The following SASH1 variants were observed in gnomAD, a reference collection of about 807,000 sequenced individuals.
SASH1 encodes the protein SAM and SH3 domain containing 1.
A neutral mutation model predicts 125.2 loss-of-function variants in SASH1; 44 were observed. That is an observed-to-expected ratio of 0.35 (90% CI 0.28 to 0.45). The LOEUF is 0.45. Among genes scored for constraint, SASH1 ranks in the 20% least tolerant of loss-of-function variants. The pLI is 1.00. For missense variants in SASH1, 1,426 were observed against 1,614.5 expected (o/e 0.88, Z 2.00); for synonymous variants, 639 against 649.1 (o/e 0.98, Z 0.24).
chr6:148,196,006 T>G, the SASH1 span, among the ~76,000 whole-genome samples: 1 of 152,204 alleles, frequency 6.6e-6, no homozygotes, highest in Non-Finnish European at 1.5e-5. Flanking sequence ...GCTCTCTGGT[T>G]AATGAGTGGG....
chr6:148,274,324 A>G (rs1331207739), intron 1 of SASH1, among the ~76,000 whole-genome samples: 1 of 152,186 alleles, frequency 6.6e-6, no homozygotes, highest in Non-Finnish European at 1.5e-5. Context: ...TGGTTTCAGA[A>G]ACAATACGTT....
upstream of SASH1, among the ~76,000 whole-genome samples, chr6:148,340,792 A>G (rs111631373): frequency 7.9e-5 from 12 of 152,276 alleles, no homozygotes; most frequent in East Asian, 2.1e-3. Context: ...ACAATGCCTC[A>G]ATGCTATTAA....
intron 2 of SASH1, among the ~76,000 whole-genome samples, chr6:148,419,179 A>C (rs1784942837): frequency 1.3e-5 from 2 of 152,206 alleles, no homozygotes; most frequent in African/African-American, 4.8e-5. Flanking sequence ...TAAAATTTGG[A>C]ATATTCAAAG....
chr6:148,469,482 C>T (rs750635908), intron 5 of SASH1, among the ~76,000 whole-genome samples: 1 of 152,194 alleles, frequency 6.6e-6, no homozygotes, highest in South Asian at 2.1e-4. Context: ...TCTCTTATCC[C>T]AGCAATTTGG....
chr6:148,418,122 A>G (rs1350271373), intron 2 of SASH1, among the ~76,000 whole-genome samples: 1 of 152,208 alleles, frequency 6.6e-6, no homozygotes, highest in Non-Finnish European at 1.5e-5. Context: ...GGTAGCTCCA[A>G]AGGTGTTTGA....
At chr6:148,409,043 G>A (rs546712062) in intron 2 of SASH1, among the ~76,000 whole-genome samples, 1 of 152,302 alleles carries the variant, frequency 6.6e-6, no homozygotes, top group East Asian at 1.9e-4. Flanking sequence ...TTCTCTGCAG[G>A]CTCTTCTTGG....
chr6:148,284,322 C>G (rs1202841792), intron 1 of SASH1, among the ~76,000 whole-genome samples: 1 of 152,096 alleles, frequency 6.6e-6, no homozygotes, highest in Non-Finnish European at 1.5e-5. Context: ...GCCTATAGTC[C>G]CAGCTACTCA....
chr6:148,390,743 A>AG (rs1783677523), intron 2 of SASH1, among the ~76,000 whole-genome samples: 1 of 151,400 alleles, frequency 6.6e-6, no homozygotes, highest in Non-Finnish European at 1.5e-5. Flanking sequence ...AGCCAAGATC[A>AG]CGCCACTGCA....
At chr6:148,490,229 A>G (rs1373480199) in intron 8 of SASH1, among the ~76,000 whole-genome samples, 1 of 150,046 alleles carries the variant, frequency 6.7e-6, no homozygotes, top group Non-Finnish European at 1.5e-5. Context: ...TTTTTTTTTG[A>G]TAAGAGTATT....
chr6:148,247,427 G>A, the SASH1 span, among the ~76,000 whole-genome samples: 1 of 152,202 alleles, frequency 6.6e-6, no homozygotes, highest in African/African-American at 2.4e-5. Flanking sequence ...CTAAAATGGG[G>A]AGACCTGACG....
chr6:148,281,332 G>C (rs538766020), intron 1 of SASH1, among the ~76,000 whole-genome samples: 1 of 151,942 alleles, frequency 6.6e-6, no homozygotes, highest in Non-Finnish European at 1.5e-5. Flanking sequence ...AACGATTTCC[G>C]ACCTAGAACC....
chr6:148,446,325 G>A (rs559126454), intron 4 of SASH1, among the ~76,000 whole-genome samples: 2 of 151,996 alleles, frequency 1.3e-5, no homozygotes, highest in South Asian at 2.1e-4. Context: ...AGCCAGGATG[G>A]TCTTGATCTC....
intron 9 of SASH1, among the ~76,000 whole-genome samples, chr6:148,518,783 G>A (rs1780621035): frequency 6.6e-6 from 1 of 152,136 alleles, no homozygotes; most frequent in South Asian, 2.1e-4. Flanking sequence ...CTTTCCACCG[G>A]GCTCTGGAGG....
upstream of SASH1, among the ~76,000 whole-genome samples, chr6:148,338,619 C>T (rs572634353): frequency 1.4e-4 from 22 of 152,004 alleles, no homozygotes; most frequent in East Asian, 1.2e-3. Context: ...TAATATAAAA[C>T]GTTCTTGGTA....
chr6:148,425,934 C>T lies in SASH1; in HGVS notation c.286-14250C>T, dbSNP rs117521734. Among the ~76,000 whole-genome samples the T allele has an allele frequency of 4.2e-3, 635 of 152,080 alleles. 4 individuals are homozygous for T. The highest frequency in any genetic ancestry group is 7.2e-3 in the Non-Finnish European group (490 of 68,004). The stretch of plus-strand genomic sequence containing the variant: ...CTTTAAAAGAATACTTCTGGCCAGG[C>T]GTGGTGGCGCATACCTGTAATCCCA... On this transcript the variant is annotated intron_variant, in intron 2 of 19. Transcript: ENST00000367467.
intron 16 of SASH1, among the ~76,000 whole-genome samples, chr6:148,540,033 A>T (rs968118858): frequency 1.3e-5 from 2 of 152,194 alleles, no homozygotes; most frequent in African/African-American, 4.8e-5. Context: ...TCCGAAAAAC[A>T]TATGACCTAA....
chr6:148,473,897 G>T (rs74610679), intron 6 of SASH1, among the ~76,000 whole-genome samples: 5 of 152,094 alleles, frequency 3.3e-5, no homozygotes, highest in African/African-American at 4.8e-5. Context: ...TGACACCCAC[G>T]TGTTCTGCAA....
At chr6:148,302,269 G>T (rs1197832402) in intron 1 of SASH1, among the ~76,000 whole-genome samples, 2 of 121,254 alleles carry the variant, frequency 1.6e-5, no homozygotes, top group Non-Finnish European at 3.2e-5. Flanking sequence ...CCGAGATCCC[G>T]CCACTGCACT....
chr6:148,313,737 C>T (rs1046966178), intron 1 of SASH1, among the ~76,000 whole-genome samples: 8 of 152,052 alleles, frequency 5.3e-5, no homozygotes, highest in Non-Finnish European at 1.0e-4. Flanking sequence ...GGCTGCATGC[C>T]GGGTGTAGGG....
Sources: allele counts gnomAD v4.1 joint callset (sites outside exome capture counted in the v4.1 genomes callset), GRCh38; gene constraint gnomAD v4.1.1; transcripts MANE v1.5; gene names NCBI Gene and HGNC (gene_info 2026-07-23, HGNC 2026-07-21).